The following TMCO5A variants were observed in gnomAD, a reference collection of about 807,000 sequenced individuals.
TMCO5A encodes transmembrane and coiled-coil domains 5A.
In TMCO5A, 34 loss-of-function variants were observed where a neutral mutation model predicts 42.3. That is an observed-to-expected ratio of 0.80 (90% confidence interval 0.61 to 1.07). The LOEUF is 1.07. Among genes scored for constraint, TMCO5A ranks in the 50% least tolerant of loss-of-function variants. The pLI is 0.00. For synonymous variants in TMCO5A, 131 were observed against 115.6 expected (o/e 1.13, Z -0.86); for missense variants, 357 against 327.9 (o/e 1.09, Z -0.69).
chr15:37,970,008 G>A (rs576717748), downstream of TMCO5A, among the ~76,000 whole-genome samples: 5 of 152,204 alleles, frequency 3.3e-5, no homozygotes, highest in South Asian at 2.1e-4. Context: ...CTTTATAGTC[G>A]AATGGCTTAT....
chr15:37,968,595 TTTTTTTA>T (rs1181021098), downstream of TMCO5A, among the ~76,000 whole-genome samples: 1 of 151,506 alleles, frequency 6.6e-6, no homozygotes, highest in African/African-American at 2.4e-5. Context: ...TTTTTTTTTT[TTTTTTTA>T]GATGGAATCT....
chr15:37,954,826 C>T (rs1232215709), downstream of TMCO5A, among the ~76,000 whole-genome samples: 2 of 151,788 alleles, frequency 1.3e-5, no homozygotes, highest in Non-Finnish European at 2.9e-5. Flanking sequence ...GAAACAGAGC[C>T]TTTGATTTCT....
the TMCO5A span, among the ~76,000 whole-genome samples, chr15:38,032,332 C>T: frequency 6.6e-6 from 1 of 152,280 alleles, no homozygotes; most frequent in Admixed American, 6.5e-5. Flanking sequence ...ATCAGGTCAT[C>T]TTTCACCTAC....
downstream of TMCO5A, among the ~76,000 whole-genome samples, chr15:37,968,923 T>A (rs1595613746): frequency 6.6e-6 from 1 of 152,206 alleles, no homozygotes; most frequent in African/African-American, 2.4e-5. Context: ...AATGATAAGT[T>A]CATATTGCTC....
chr15:38,019,532 A>G, the TMCO5A span, among the ~76,000 whole-genome samples: 2 of 152,178 alleles, frequency 1.3e-5, no homozygotes, highest in African/African-American at 2.4e-5. Flanking sequence ...GAGAAGTCAC[A>G]TATTCCTCCT....
downstream of TMCO5A, among the ~76,000 whole-genome samples, chr15:37,970,156 T>C (rs1327946619): frequency 6.6e-6 from 1 of 152,202 alleles, no homozygotes; most frequent in East Asian, 1.9e-4. Context: ...GTTTTCACAC[T>C]GCTGATAAAG....
At chr15:37,948,174 A>C (rs916731060) in intron 11 of TMCO5A, among the ~76,000 whole-genome samples, 1 of 152,148 alleles carries the variant, frequency 6.6e-6, no homozygotes, top group Non-Finnish European at 1.5e-5. Flanking sequence ...TTGCTTGAAA[A>C]TACTTGTTAA....
At chr15:37,940,827 A>G (rs1452621647) in intron 6 of TMCO5A, among the ~76,000 whole-genome samples, 1 of 152,176 alleles carries the variant, frequency 6.6e-6, no homozygotes, top group South Asian at 2.1e-4. Context: ...CTGACTGACT[A>G]TATTAAAAGG....
At chr15:37,949,254 CA>C (rs1306770951) in intron 11 of TMCO5A, among the ~76,000 whole-genome samples, 14 of 151,950 alleles carry the variant, frequency 9.2e-5, no homozygotes, top group Admixed American at 7.9e-4. Context: ...AAACTCATAT[CA>C]AAAAAGTAAG....
chr15:38,035,248 C>G, the TMCO5A span, among the ~76,000 whole-genome samples: 1 of 152,184 alleles, frequency 6.6e-6, no homozygotes, highest in Non-Finnish European at 1.5e-5. Context: ...TTTTATTCAG[C>G]TACGTATTGG....
downstream of TMCO5A, among the ~76,000 whole-genome samples, chr15:37,970,646 A>G (rs1329212335): frequency 2.0e-5 from 3 of 152,222 alleles, no homozygotes; most frequent in Non-Finnish European, 4.4e-5. Context: ...AGACTGTAAA[A>G]TCAAAAGCAA....
chr15:37,965,024 C>G (rs1409410879), intron 11 of TMCO5A, among the ~76,000 whole-genome samples: 1 of 152,104 alleles, frequency 6.6e-6, no homozygotes, highest in Non-Finnish European at 1.5e-5. Context: ...TACTACAGAG[C>G]TATAGTGACC....
At chr15:38,028,907 C>T in the TMCO5A span, among the ~76,000 whole-genome samples, 1 of 152,044 alleles carries the variant, frequency 6.6e-6, no homozygotes, top group African/African-American at 2.4e-5. Context: ...CCAAAAATGA[C>T]CTCATTGAAA....
At chr15:38,011,396 C>CGA in the TMCO5A span, among the ~76,000 whole-genome samples, 54 of 152,018 alleles carry the variant, frequency 3.6e-4, no homozygotes, top group Non-Finnish European at 6.2e-4. Flanking sequence ...TGACAGTGAT[C>CGA]GAGAGAGAGA....
At chr15:38,032,546 T>C in the TMCO5A span, among the ~76,000 whole-genome samples, 1 of 152,226 alleles carries the variant, frequency 6.6e-6, no homozygotes, top group Admixed American at 6.5e-5. Context: ...CTTAATTACA[T>C]GCAGTTGGTC....
At chr15:37,991,766 C>T in the TMCO5A span, among the ~76,000 whole-genome samples, 7 of 152,116 alleles carry the variant, frequency 4.6e-5, no homozygotes, top group Admixed American at 6.5e-5. Flanking sequence ...AAAGGACTCC[C>T]TATTCAATAA....
At chr15:37,949,810 GCA>G (rs1890096509) in intron 11 of TMCO5A, among the ~76,000 whole-genome samples, 1 of 152,054 alleles carries the variant, frequency 6.6e-6, no homozygotes, top group Admixed American at 6.6e-5. Context: ...ACATTTATTA[GCA>G]CAGTTTCTGT....
At chr15:37,984,834 CTG>C in the TMCO5A span, 3 of 151,796 alleles carry the variant, frequency 2.0e-5, no homozygotes, top group African/African-American at 7.3e-5. Context: ...CCCTTCAGAA[CTG>C]TGAGACATTT....
At chr15:37,994,322 G>A in the TMCO5A span, among the ~76,000 whole-genome samples, 9 of 152,288 alleles carry the variant, frequency 5.9e-5, no homozygotes, top group East Asian at 1.2e-3. Context: ...GGCTAAGAGA[G>A]TCAGGAACTA....
Sources: gnomAD v4.1 joint callset for allele counts (sites outside exome capture counted in the v4.1 genomes callset) on GRCh38, gnomAD v4.1.1 for gene constraint, MANE v1.5 for transcripts, NCBI Gene and HGNC (gene_info 2026-07-23, HGNC 2026-07-21) for gene names.